B4GALNT4: variants seen among roughly 807,000 people sequenced by gnomAD.
B4GALNT4 encodes the protein beta-1,4-N-acetyl-galactosaminyltransferase 4.
B4GALNT4 carries 77 observed loss-of-function variants against 110.0 expected under a neutral mutation model. The ratio of observed to expected loss-of-function variants is 0.70; its 90% CI spans 0.58 to 0.85. The LOEUF (loss-of-function observed/expected upper bound fraction) is 0.85. Ranked by LOEUF, B4GALNT4 falls within the 40% of genes least tolerant of loss-of-function variation. The probability of loss-of-function intolerance (pLI) is 0.00; values close to 1 mark genes in which losing one functional copy is unlikely to be tolerated. For synonymous variants in B4GALNT4, 785 were observed against 655.5 expected (o/e 1.20, Z -3.02); for missense variants, 1,575 against 1,506.0 (o/e 1.05, Z -0.76).
chr11:370,025 GC>G lies in B4GALNT4; in HGVS notation c.151+72del, dbSNP rs1316478755. On this transcript the variant is annotated intron_variant, in intron 1 of 19. Coordinates refer to ENST00000329962, the MANE Select transcript of B4GALNT4 (RefSeq NM_178537.5). ...GGGGGGCGCGGGGGGCGCGGGCGGC[GC>G]GGGGGGCGCGGGCGGCGCGGGCGGC... 3 of 132,070 alleles carry G rather than the reference GC, an allele frequency of 2.3e-5. No individual in the cohort carries two copies. In the East Asian group the frequency reaches 6.8e-4, roughly 30 times the overall value. 8.2% of individuals were successfully genotyped at this position (132,070 alleles called of 1,614,324 possible). A position where few individuals can be genotyped will look rare whatever the true frequency, so the allele number is the denominator to read the frequency against.
chr11:376,226 G>A, intron 12 of B4GALNT4, 25 bp from the exon 13 acceptor site: 1 of 1,601,412 alleles, frequency 6.2e-7, no homozygotes, highest in Non-Finnish European at 8.5e-7. Context: ...GCGGGACTCG[G>A]CTCTGATGCC....
intron 1 of B4GALNT4, 27 bp downstream of exon 1, chr11:369,981 CGGGGGGCGGGGGCGGCGCG>C (rs1846580970): frequency 2.2e-5 from 1 of 44,934 alleles, no homozygotes; most frequent in African/African-American, 1.8e-4. Flanking sequence ...GCGGGGGGCG[CGGGGGGCGGGGGCGGCGCG>C]GGGGGCGCGG....
Position 369,607 on chromosome 11 carries a change from A to T in B4GALNT4, c.-197A>T, listed in dbSNP as rs1358255630. ...CCGCGAGGAGCCGCCCCCGCCGCCC[A>T]CCCCGGGCCCGCGGCCGAGGGCGGC... On this transcript the variant is annotated 5_prime_UTR_variant, in exon 1 of 20. Transcript: ENST00000329962. Among the ~76,000 whole-genome samples the T allele has an allele frequency of 7.1e-6, 1 of 140,964 alleles. No homozygotes were observed. The highest frequency in any genetic ancestry group is 1.6e-5 in the Non-Finnish European group (1 of 64,292). The allele number at this position is 140,964 out of a possible 152,430, so 92.5% of individuals were successfully genotyped here. A position where few individuals can be genotyped will look rare whatever the true frequency, so the allele number is the denominator to read the frequency against.
rs1037640384 is a variant in B4GALNT4, at chr11:375,819, A to G, written c.986-28A>G. On this transcript the variant is annotated intron_variant, in intron 10 of 19. Transcript: ENST00000329962. ...GGGCGAGGGCGGGGGTGCCTGCCCC[A>G]GCCACCCTGTGACCGCACCTCCTGC... is the stretch of plus-strand genomic sequence containing the variant. The G allele has an allele frequency of 3.1e-6, 5 of 1,604,592 alleles. No homozygotes were observed. In the African/African-American group the frequency reaches 6.7e-5, roughly 21 times the overall value.
intron 2 of B4GALNT4, 96 bp downstream of exon 2, chr11:372,308 C>T (rs576958275): frequency 2.4e-5 from 28 of 1,148,918 alleles, no homozygotes; most frequent in East Asian, 5.1e-5. Context: ...TTCTGGAGGA[C>T]GCAGCAGGGG....
Position 373,136 on chromosome 11 carries a change from C to G in B4GALNT4, c.535+20C>G, listed in dbSNP as rs552490848. On this transcript the variant is annotated intron_variant, in intron 5 of 19. Transcript: ENST00000329962. ...GGGACGGTACGGGGGTGAGGGTGCCCCGGGGGAGGGGTGCCGTGAGGCTCC... is the reference window on the plus strand; with the variant it reads ...GGGACGGTACGGGGGTGAGGGTGCCGCGGGGGAGGGGTGCCGTGAGGCTCC... 3.1e-6 allele frequency: 5 copies of G among 1,612,450 alleles called. No individual in the cohort carries two copies. The South Asian group carries it at 4.4e-5, about 14-fold the overall frequency.
Position 373,811 on chromosome 11 carries a change from G to T in B4GALNT4, c.766G>T (p.Asp256Tyr). Residue 256 changes from aspartate (D) to tyrosine (Y), a missense_variant, in exon 8 of 20, where the codon GAC (aspartate) becomes TAC (tyrosine). Physicochemically the swap from Asp to Tyr is radical, Grantham distance 160. Coordinates refer to ENST00000329962, the MANE Select transcript of B4GALNT4 (RefSeq NM_178537.5). ...LLHKQDDRGS[D>Y]HVEVGWRAFL... ...GCACAAGCAGGACGACCGCGGCTCG[G>T]ACCACGTGGAAGTGGGCGTGAGTGC... 3 of 1,612,044 alleles carry T rather than the reference G, an allele frequency of 1.9e-6. No individual in the cohort carries two copies. The highest frequency in any genetic ancestry group is 2.5e-6 in the Non-Finnish European group (3 of 1,179,822).
chr11:376,453 C>T lies in B4GALNT4; in HGVS notation c.1330C>T (p.Leu444Phe), dbSNP rs1172501640. The T allele has an allele frequency of 6.3e-7, 1 of 1,595,746 alleles. No homozygotes were observed. The highest frequency in any genetic ancestry group is 1.3e-5 in the African/African-American group (1 of 74,870). The stretch of plus-strand genomic sequence containing the variant: ...GGACGACGAGGACGAGGGGGAGCTG[C>T]TCGACAGCCTGGAGCCCACCGAGGC... ...FLDDEDEGEL[L>F]DSLEPTEAAP... Residue 444 changes from leucine to phenylalanine, a missense_variant, in exon 14 of 20, where the codon CTC becomes TTC. Coordinates refer to ENST00000329962, the MANE Select transcript of B4GALNT4 (RefSeq NM_178537.5).
In B4GALNT4 at chr11:381,907, C is replaced by CGGTGG; in HGVS notation, c.*115_*116insGGTGG. 2 of 1,235,864 alleles carry CGGTGG rather than the reference C, an allele frequency of 1.6e-6. No homozygotes were observed. Among genetic ancestry groups the CGGTGG allele is most frequent in the Non-Finnish European group, 2.1e-6 (2 of 942,534 alleles). 76.6% of individuals were successfully genotyped at this position (1,235,864 alleles called of 1,614,324 possible). On this transcript the variant is annotated 3_prime_UTR_variant, in exon 20 of 20. Transcript: ENST00000329962. ...GCTGGTCAGAGGGGCACAGCCACCG[C>CGGTGG]CTGTGCCTGCCCCTCTCTGGCCCAC...
In B4GALNT4 at chr11:379,671, C is replaced by T; in HGVS notation, c.2458C>T (p.Gln820Ter). The T allele has an allele frequency of 6.6e-7, 1 of 1,503,836 alleles. No individual in the cohort carries two copies. Among genetic ancestry groups the T allele is most frequent in the Non-Finnish European group, 8.8e-7 (1 of 1,130,040 alleles). The allele number at this position is 1,503,836 out of a possible 1,614,324, so 93.2% of individuals were successfully genotyped here. A position where few individuals can be genotyped will look rare whatever the true frequency, so the allele number is the denominator to read the frequency against. The change falls in exon 15 of 20, where the codon CAG becomes TAG. Residue 820 changes from glutamine (Q) to a stop codon, truncating the protein, a stop_gained. Coordinates refer to ENST00000329962, the MANE Select transcript of B4GALNT4 (RefSeq NM_178537.5). LOFTEE classifies it high-confidence loss of function. ...CCGGCCACTGCGCCTGGCCTGGCGC[C>T]AGGACGTGATGGTTCACTTCATCGT... ...LCRPLRLAWR[Q>*]DVMVHFIVPV...
At position 376,900 on chromosome 11, in the gene B4GALNT4, G is replaced by A; in HGVS notation, c.1777G>A (p.Ala593Thr). Residue 593 changes from alanine (A) to threonine (T), a missense_variant, in exon 14 of 20, where the codon GCG becomes ACG. Ala to Thr is a moderately conservative substitution (Grantham distance 58). Coordinates refer to ENST00000329962, the MANE Select transcript of B4GALNT4 (RefSeq NM_178537.5). ...QATQPRPPAR[A>T]QATQGGREGQ... ...CACACAGCCGAGGCCCCCAGCCCGGGCGCAGGCCACCCAAGGGGGCCGGGA... is the reference window on the plus strand; with the variant it reads ...CACACAGCCGAGGCCCCCAGCCCGGACGCAGGCCACCCAAGGGGGCCGGGA... The A allele has an allele frequency of 7.3e-7, 1 of 1,362,854 alleles. No individual in the cohort carries two copies. Among genetic ancestry groups the A allele is most frequent in the African/African-American group, 1.5e-5 (1 of 64,842 alleles). The allele number at this position is 1,362,854 out of a possible 1,614,324, so 84.4% of individuals were successfully genotyped here.
intron 14 of B4GALNT4, among the ~76,000 whole-genome samples, chr11:377,825 C>G (rs1423475848): frequency 6.6e-6 from 1 of 152,238 alleles, no homozygotes; most frequent in East Asian, 1.9e-4. Flanking sequence ...GGCTTCTGCC[C>G]CATTGGCCCC....
rs1441915941 is a variant in B4GALNT4, at chr11:375,852, C to T, written c.991C>T (p.Arg331Cys). 1.2e-6 allele frequency: 2 copies of T among 1,609,606 alleles called. No individual in the cohort carries two copies. Among genetic ancestry groups the T allele is most frequent in the East Asian group, 2.2e-5 (1 of 44,736 alleles). The change falls in exon 11 of 20, where the codon CGC becomes TGC. Residue 331 changes from arginine to cysteine, a missense_variant. Coordinates refer to ENST00000329962, the MANE Select transcript of B4GALNT4 (RefSeq NM_178537.5). The stretch of plus-strand genomic sequence containing the variant: ...TGTGACCGCACCTCCTGCAGCTCCA[C>T]GCATGGAATCTTCGAGCCTGGAGAA... ...DPRDTFFLTP[R>C]MESSSLENVL...
chr11:372,923 C>A lies in B4GALNT4; in HGVS notation c.420C>A (p.Asn140Lys). The change falls in exon 4 of 20, where the codon AAC (asparagine) becomes AAA (lysine). Residue 140 changes from asparagine (N) to lysine (K), a missense_variant. Asn to Lys is a moderately conservative substitution (Grantham distance 94, BLOSUM62 0). Coordinates refer to ENST00000329962, the MANE Select transcript of B4GALNT4 (RefSeq NM_178537.5). The stretch of plus-strand genomic sequence containing the variant: ...GCGCCGTGGGCCACCTGAGGAGGAA[C>A]CTGCACTTCCCGCTGTTCCCTCATG... ...CGGAVGHLRR[N>K]LHFPLFPHTR... The A allele has an allele frequency of 1.2e-6, 2 of 1,612,192 alleles. No individual in the cohort carries two copies. Among genetic ancestry groups the A allele is most frequent in the Non-Finnish European group, 8.5e-7 (1 of 1,179,772 alleles).
chr11:377,603 C>A (rs894093877), intron 14 of B4GALNT4, among the ~76,000 whole-genome samples: 3 of 152,226 alleles, frequency 2.0e-5, no homozygotes, highest in Non-Finnish European at 1.5e-5. Context: ...TACCCCACTT[C>A]TGTCATCCTG....
intron 2 of B4GALNT4, among the ~76,000 whole-genome samples, chr11:372,422 A>G (rs558805279): frequency 6.6e-6 from 1 of 152,132 alleles, no homozygotes; most frequent in Non-Finnish European, 1.5e-5. Flanking sequence ...CAGCAGGTGC[A>G]TGAATGTGCC....
At position 375,539 on chromosome 11, in the gene B4GALNT4, C is replaced by A; in HGVS notation, c.850+12C>A. 3 of 1,609,342 alleles carry A rather than the reference C, an allele frequency of 1.9e-6. No homozygotes were observed. Among genetic ancestry groups the A allele is most frequent in the Non-Finnish European group, 2.5e-6 (3 of 1,179,750 alleles). Reference sequence around the variant, plus strand: ...CTCCCTGTACACAGGTGCGAGCGGACGCCTCTGGGGATGTGGGGCTCCTCG... The same window carrying A: ...CTCCCTGTACACAGGTGCGAGCGGAAGCCTCTGGGGATGTGGGGCTCCTCG... On this transcript the variant is annotated intron_variant, in intron 9 of 19. Transcript: ENST00000329962.
chr11:375,355 A>T, intron 8 of B4GALNT4, 106 bp from the exon 9 acceptor site: 2 of 1,157,132 alleles, frequency 1.7e-6, no homozygotes, highest in Non-Finnish European at 2.6e-6. Context: ...TGCATCCTTT[A>T]AGGGATTGGT....
Position 372,138 on chromosome 11 carries a change from G to A in B4GALNT4, c.181G>A (p.Gly61Ser), listed in dbSNP as rs200518616. Residue 61 changes from glycine (G) to serine (S), a missense_variant, in exon 2 of 20, where the codon GGC (glycine) becomes AGC (serine). By Grantham distance (56) the Gly-to-Ser change is moderately conservative (BLOSUM62 0). Transcript: ENST00000329962. Reference protein sequence around the residue: ...DGEKLTSETDGRGVHAAPSTQ... With the variant: ...DGEKLTSETDSRGVHAAPSTQ... ...TGAGAAGCTGACCAGTGAGACCGAC[G>A]GCCGGGGGGTCCACGCTGCGCCATC... The A allele has an allele frequency of 3.1e-4, 480 of 1,549,740 alleles. 2 individuals carry two copies. The East Asian group carries it at 0.011, about 34-fold the overall frequency.
Sources: gnomAD v4.1 joint callset for allele counts (sites outside exome capture counted in the v4.1 genomes callset) on GRCh38, gnomAD v4.1.1 for gene constraint, MANE v1.5 for transcripts, NCBI Gene and HGNC (gene_info 2026-07-23, HGNC 2026-07-21) for gene names.